Variants in CLSTN2 observed in about 807,000 individuals in gnomAD.
CLSTN2 encodes the protein calsyntenin-2.
Under a neutral mutation model 101.2 loss-of-function variants are expected in CLSTN2, and 48 were observed. The observed-to-expected ratio is 0.47, with a 90% CI of 0.38 to 0.60. The LOEUF (loss-of-function observed/expected upper bound fraction) is 0.60, where lower values mean the gene tolerates loss of function less well. Among genes scored for constraint, CLSTN2 ranks in the 20% least tolerant of loss-of-function variants. CLSTN2 has a pLI of 0.00. For synonymous variants in CLSTN2, 481 were observed against 463.6 expected, an observed-to-expected ratio of 1.04 and a Z score of -0.48; for missense variants, 1,160 against 1,238.2, an observed-to-expected ratio of 0.94 and a Z score of 0.95.
At chr3:140,544,927 C>G (rs2107785961) in intron 9 of CLSTN2, among the ~76,000 whole-genome samples, 1 of 152,066 alleles carries the variant, frequency 6.6e-6, no homozygotes, top group Admixed American at 6.5e-5. Flanking sequence ...TGGGTTTAAG[C>G]AAAGGCATAT....
intron 8 of CLSTN2, among the ~76,000 whole-genome samples, chr3:140,486,016 A>G (rs929209565): frequency 6.6e-5 from 10 of 152,004 alleles, no homozygotes; most frequent in Non-Finnish European, 1.3e-4. Flanking sequence ...AAATGCAGAA[A>G]TCACCCATCT....
intron 6 of CLSTN2, among the ~76,000 whole-genome samples, chr3:140,449,250 C>A (rs148474501): frequency 6.6e-6 from 1 of 152,184 alleles, no homozygotes; most frequent in African/African-American, 2.4e-5. Context: ...CAAGTAAACA[C>A]AACTAAGCCT....
chr3:140,115,767 G>C (rs879834264), intron 1 of CLSTN2, among the ~76,000 whole-genome samples: 2 of 152,118 alleles, frequency 1.3e-5, no homozygotes, highest in African/African-American at 2.4e-5. Context: ...CTGAGAAAAC[G>C]TCCCCATCCT....
chr3:140,416,795 C>G (rs2088435907), intron 4 of CLSTN2, among the ~76,000 whole-genome samples: 2 of 152,196 alleles, frequency 1.3e-5, no homozygotes, highest in Admixed American at 6.5e-5. Flanking sequence ...CTCAACGACA[C>G]CCAGTTACCA....
Position 140,510,140 on chromosome 3 carries a change from C to A in CLSTN2, c.1345-22184C>A, listed in dbSNP as rs372514708. The stretch of plus-strand genomic sequence containing the variant: ...GTTTATTGAAAACTATATTGAAAGT[C>A]AAAAACAATGGTTATATTAGTACTC... On this transcript the variant is annotated intron_variant, in intron 8 of 16. Coordinates refer to ENST00000458420, the MANE Select transcript of CLSTN2 (RefSeq NM_022131.3). Among the ~76,000 whole-genome samples, 29 of 152,166 alleles carry A rather than the reference C, an allele frequency of 1.9e-4. No individual in the cohort carries two copies. The South Asian group carries it at 5.2e-3, about 27-fold the overall frequency.
intron 1 of CLSTN2, among the ~76,000 whole-genome samples, chr3:140,066,801 T>C (rs2008306450): frequency 6.6e-6 from 1 of 152,176 alleles, no homozygotes; most frequent in Non-Finnish European, 1.5e-5. Flanking sequence ...TCACAGATGC[T>C]TAGGAGTCAG....
At chr3:140,089,021 C>A (rs1198597864) in intron 1 of CLSTN2, among the ~76,000 whole-genome samples, 1 of 152,018 alleles carries the variant, frequency 6.6e-6, no homozygotes, top group East Asian at 1.9e-4. Flanking sequence ...AAAAAAAGCA[C>A]AAACATTAAA....
At chr3:140,268,997 A>G (rs2086718673) in intron 2 of CLSTN2, among the ~76,000 whole-genome samples, 1 of 152,152 alleles carries the variant, frequency 6.6e-6, no homozygotes, top group African/African-American at 2.4e-5. Flanking sequence ...TTGTTTATTA[A>G]TTGATCAGGG....
intron 2 of CLSTN2, among the ~76,000 whole-genome samples, chr3:140,216,907 G>A (rs948901071): frequency 5.9e-5 from 9 of 152,178 alleles, no homozygotes; most frequent in Non-Finnish European, 8.8e-5. Context: ...GCCAGGCTCT[G>A]TCATAAATGC....
chr3:139,945,939 T>A (rs925954833), intron 1 of CLSTN2, among the ~76,000 whole-genome samples: 6 of 152,234 alleles, frequency 3.9e-5, no homozygotes, highest in Admixed American at 2.0e-4. Flanking sequence ...TATAGTTCAT[T>A]AACACTATGA....
At chr3:140,114,410 C>G (rs2009206390) in intron 1 of CLSTN2, among the ~76,000 whole-genome samples, 1 of 152,134 alleles carries the variant, frequency 6.6e-6, no homozygotes, top group Non-Finnish European at 1.5e-5. Context: ...GCATCCTGTC[C>G]TGTCCTCTGT....
rs746108126 is a variant in CLSTN2 at position 140,546,554 on chromosome 3, A to T, written c.1547A>T (p.His516Leu). Residue 516 changes from histidine (H) to leucine (L), a missense_variant, in exon 10 of 17, where the codon CAT becomes CTT. His to Leu is a moderately conservative substitution (Grantham distance 99, BLOSUM62 -3). Transcript: ENST00000458420. Reference sequence around the variant, plus strand: ...AAACCACAGTTTGCTCAGTTCTTTCATGGAAGCCTGGCCAGTCTCACCATC... The same window carrying T: ...AAACCACAGTTTGCTCAGTTCTTTCTTGGAAGCCTGGCCAGTCTCACCATC... The part of the protein sequence containing the change: ...VTKPQFAQFF[H>L]GSLASLTIRP... The T allele has an allele frequency of 1.2e-6, 2 of 1,614,120 alleles. No homozygotes were observed. The highest frequency in any genetic ancestry group is 1.7e-6 in the Non-Finnish European group (2 of 1,179,978).
At chr3:139,982,503 C>T (rs1309574945) in intron 1 of CLSTN2, among the ~76,000 whole-genome samples, 1 of 152,082 alleles carries the variant, frequency 6.6e-6, no homozygotes, top group Non-Finnish European at 1.5e-5. Context: ...AGTTTTCAAA[C>T]AAGGCTCAGA....
chr3:140,355,798 A>C (rs920064597), intron 2 of CLSTN2, among the ~76,000 whole-genome samples: 2 of 152,176 alleles, frequency 1.3e-5, no homozygotes, highest in Non-Finnish European at 2.9e-5. Context: ...CTGCCAAGGG[A>C]CTGTCATGTT....
intron 8 of CLSTN2, among the ~76,000 whole-genome samples, chr3:140,491,933 A>T (rs1938934059): frequency 6.6e-6 from 1 of 152,188 alleles, no homozygotes; most frequent in Non-Finnish European, 1.5e-5. Context: ...GGAGACTCCT[A>T]CCTGGCAGGC....
intron 4 of CLSTN2, among the ~76,000 whole-genome samples, chr3:140,417,145 C>T (rs1012115945): frequency 3.9e-5 from 6 of 152,186 alleles, no homozygotes; most frequent in South Asian, 4.2e-4. Flanking sequence ...AAATTAGGGC[C>T]GCAATGTCCT....
At chr3:140,339,128 A>T (rs2087468926) in intron 2 of CLSTN2, among the ~76,000 whole-genome samples, 1 of 152,182 alleles carries the variant, frequency 6.6e-6, no homozygotes, top group Non-Finnish European at 1.5e-5. Flanking sequence ...CAAGGTGGAC[A>T]GTCCAGGTTT....
intron 2 of CLSTN2, among the ~76,000 whole-genome samples, chr3:140,351,548 T>C (rs542897953): frequency 3.3e-5 from 5 of 152,336 alleles, no homozygotes; most frequent in Non-Finnish European, 7.3e-5. Context: ...CTAGTTCTGT[T>C]AGGGCCCACG....
intron 5 of CLSTN2, among the ~76,000 whole-genome samples, chr3:140,428,307 C>A (rs1460678061): frequency 6.6e-6 from 1 of 152,060 alleles, no homozygotes; most frequent in Non-Finnish European, 1.5e-5. Context: ...TCTTCCACAA[C>A]ACTTACTTGG....
Sources: allele counts gnomAD v4.1 joint callset (sites outside exome capture counted in the v4.1 genomes callset), GRCh38; gene constraint gnomAD v4.1.1; transcripts MANE v1.5; gene names NCBI Gene and HGNC (gene_info 2026-07-23, HGNC 2026-07-21).